INO80D: variants seen among roughly 807,000 people sequenced by gnomAD.
The protein encoded by INO80D is INO80 complex subunit D.
A neutral mutation model predicts 87.6 loss-of-function variants in INO80D; 21 were observed. The observed-to-expected ratio is 0.24, with a 90% CI of 0.17 to 0.35. The LOEUF (loss-of-function observed/expected upper bound fraction) is 0.35, where lower values mean the gene tolerates loss of function less well. Among genes scored for constraint, INO80D ranks in the 10% least tolerant of loss-of-function variants. The pLI is 1.00. For missense variants in INO80D, 982 were observed against 1,280.7 expected, an observed-to-expected ratio of 0.77 and a Z score of 3.56; for synonymous variants, 440 against 491.0, an observed-to-expected ratio of 0.90 and a Z score of 1.37.
Position 206,001,293 on chromosome 2 carries a change from T to C in INO80D, c.*3075A>G, listed in dbSNP as rs1687905180. 1 of 152,176 alleles carries C rather than the reference T, an allele frequency of 6.6e-6. No homozygotes were observed. Among genetic ancestry groups the C allele is most frequent in the Non-Finnish European group, 1.5e-5 (1 of 68,038 alleles). 9.4% of individuals were successfully genotyped at this position (152,176 alleles called of 1,614,324 possible). ...TCACACATTAGAATGGAATTCAGAT[T>C]CTCAGAGCACAGAATGTATCCATTA... On this transcript the variant is annotated 3_prime_UTR_variant, in exon 11 of 11. Coordinates refer to ENST00000403263, the MANE Select transcript of INO80D (RefSeq NM_017759.5).
intron 4 of INO80D, among the ~76,000 whole-genome samples, chr2:206,053,654 T>C (rs759289633): frequency 6.6e-6 from 1 of 152,288 alleles, no homozygotes; most frequent in East Asian, 1.9e-4. Flanking sequence ...GAAGTATATA[T>C]CCTTTTATAC....
chr2:206,034,972 C>T (rs1688856381), intron 5 of INO80D, among the ~76,000 whole-genome samples: 1 of 151,906 alleles, frequency 6.6e-6, no homozygotes, highest in Admixed American at 6.6e-5. Context: ...GAACTCAATC[C>T]CTTTTACAAT....
intron 4 of INO80D, among the ~76,000 whole-genome samples, chr2:206,052,491 C>A (rs547017631): frequency 3.3e-5 from 5 of 152,264 alleles, no homozygotes; most frequent in African/African-American, 9.6e-5. Flanking sequence ...CCACACCCAG[C>A]CTTCATCATC....
At chr2:206,044,195 GAATT>G (rs973022051) in intron 5 of INO80D, among the ~76,000 whole-genome samples, 9 of 151,870 alleles carry the variant, frequency 5.9e-5, no homozygotes, top group African/African-American at 2.2e-4. Flanking sequence ...TCGTCTCAAA[GAATT>G]AATTAATTAA....
At position 206,056,606 on chromosome 2, in the gene INO80D, T is replaced by C. The variant is rs1689529150; in HGVS notation, c.556A>G (p.Ile186Val). The C allele has an allele frequency of 6.2e-7, 1 of 1,609,262 alleles. No homozygotes were observed. The highest frequency in any genetic ancestry group is 1.3e-5 in the African/African-American group (1 of 75,012). Residue 186 changes from isoleucine to valine, a missense_variant, in exon 4 of 11, where the codon ATT becomes GTT. Transcript: ENST00000403263. ...QNRQRQRETE[I>V]LKVRQEHFSP... The stretch of plus-strand genomic sequence containing the variant: ...AAGTGCTCTTGTCGAACTTTTAAAA[T>C]CTCTGTCTCTCTCTGGCGCTGCCGA...
intron 3 of INO80D, among the ~76,000 whole-genome samples, chr2:206,060,124 G>A (rs1040696626): frequency 2.6e-5 from 4 of 152,116 alleles, no homozygotes; most frequent in African/African-American, 9.7e-5. Context: ...AGGATCATTT[G>A]AGGCCCAAAG....
intron 1 of INO80D, among the ~76,000 whole-genome samples, chr2:206,073,792 G>A (rs1359064698): frequency 6.6e-6 from 1 of 152,216 alleles, no homozygotes; most frequent in Non-Finnish European, 1.5e-5. Context: ...TGGGATTACA[G>A]GCCTAAGCCA....
At chr2:206,012,003 G>A (rs546651690) in intron 8 of INO80D, among the ~76,000 whole-genome samples, 94 of 152,298 alleles carry the variant, frequency 6.2e-4, no homozygotes, top group African/African-American at 2.1e-3. Context: ...TGAGCAATGC[G>A]GAAACTTGGG....
intron 5 of INO80D, chr2:206,040,333 A>G (rs1347333855): frequency 6.6e-6 from 1 of 152,306 alleles, no homozygotes; most frequent in African/African-American, 2.4e-5. Context: ...TCACTAGTGA[A>G]TTATACTAAA....
At position 206,004,649 on chromosome 2, in the gene INO80D, C is replaced by T. The variant is rs202107782; in HGVS notation, c.2803G>A (p.Ala935Thr). The change falls in exon 11 of 11, where the codon GCC (alanine) becomes ACC (threonine). Residue 935 changes from alanine (A) to threonine (T), a missense_variant. Transcript: ENST00000403263. This position sits in a 1 kb window ranked among gnomAD's most constrained non-coding sequence, Gnocchi z 4.9. Reference sequence around the variant, plus strand: ...CTGGAGCTGCTGGGGGTCACGGTGGCGAAGGCAGGCTGTGTGGTCTCTGAG... The same window carrying T: ...CTGGAGCTGCTGGGGGTCACGGTGGTGAAGGCAGGCTGTGTGGTCTCTGAG... ...SNSETTQPAF[A>T]TVTPSSSSVL... 8.4e-5 allele frequency: 136 copies of T among 1,613,482 alleles called. No homozygotes were observed. Among genetic ancestry groups the T allele is most frequent in the Non-Finnish European group, 1.1e-4 (126 of 1,179,714 alleles).
chr2:206,058,457 G>A (rs1018300583), intron 3 of INO80D, among the ~76,000 whole-genome samples: 20 of 150,378 alleles, frequency 1.3e-4, no homozygotes, highest in South Asian at 4.2e-4. Context: ...TAAAAGGGCC[G>A]GGCGCAGTGG....
intron 4 of INO80D, among the ~76,000 whole-genome samples, chr2:206,050,935 C>CTGT (rs772319388): frequency 1.3e-5 from 2 of 151,310 alleles, no homozygotes; most frequent in African/African-American, 4.8e-5. Context: ...CGCCACTGCA[C>CTGT]TACAGCCCGG....
chr2:206,011,161 A>G (rs1200235049), intron 8 of INO80D, among the ~76,000 whole-genome samples: 2 of 151,658 alleles, frequency 1.3e-5, no homozygotes, highest in African/African-American at 2.4e-5. Context: ...TATTATGTCC[A>G]CTATTTAACT....
chr2:206,082,755 G>A (rs1032105544), intron 1 of INO80D, among the ~76,000 whole-genome samples: 31 of 152,178 alleles, frequency 2.0e-4, no homozygotes, highest in African/African-American at 7.5e-4. Flanking sequence ...ACCAAACCTG[G>A]ATAGTGAGAG....
intron 6 of INO80D, among the ~76,000 whole-genome samples, chr2:206,020,315 G>A (rs145082975): frequency 7.0e-4 from 106 of 152,128 alleles, no homozygotes; most frequent in Non-Finnish European, 1.1e-3. Flanking sequence ...AGGGTTGTTG[G>A]GAGCATAAAA....
intron 8 of INO80D, among the ~76,000 whole-genome samples, chr2:206,011,967 T>C (rs191193348): frequency 6.0e-4 from 92 of 152,306 alleles, no homozygotes; most frequent in African/African-American, 2.1e-3. Flanking sequence ...CAACACATGG[T>C]AACAAACCTG....
intron 1 of INO80D, among the ~76,000 whole-genome samples, chr2:206,080,626 G>A (rs1344705518): frequency 1.3e-5 from 2 of 152,022 alleles, no homozygotes; most frequent in African/African-American, 4.8e-5. Flanking sequence ...TTAAAAATCT[G>A]GCCGGGCGCG....
chr2:206,012,439 CT>C (rs1301159045), intron 8 of INO80D, among the ~76,000 whole-genome samples: 1 of 152,106 alleles, frequency 6.6e-6, no homozygotes, highest in Non-Finnish European at 1.5e-5. Context: ...AACATACCCC[CT>C]ATGGCAGGGG....
In INO80D at chr2:206,056,455, T is replaced by C. The variant is rs1172315578; in HGVS notation, c.707A>G (p.Gln236Arg). The C allele has an allele frequency of 6.2e-7, 1 of 1,613,988 alleles. No individual in the cohort carries two copies. Among genetic ancestry groups the C allele is most frequent in the East Asian group, 2.2e-5 (1 of 44,886 alleles). ...TCCCTGCATTGGTAGGCTGGTGTTC[T>C]GAGGTTGAGGTGACTTGCAGACTGA... ...QGSVCKSPQPQNTSLPMQGVA... is the reference protein window; with the variant it reads ...QGSVCKSPQPRNTSLPMQGVA... Residue 236 changes from glutamine to arginine, a missense_variant, in exon 4 of 11, where the codon CAG (glutamine) becomes CGG (arginine). By Grantham distance (43) the Gln-to-Arg change is conservative (BLOSUM62 1). Transcript: ENST00000403263.
Sources: allele counts gnomAD v4.1 joint callset (sites outside exome capture counted in the v4.1 genomes callset), GRCh38; gene constraint gnomAD v4.1.1; non-coding constraint Gnocchi (gnomAD v3.1); transcripts MANE v1.5; gene names NCBI Gene and HGNC (gene_info 2026-07-23, HGNC 2026-07-21).